FAM184A: variants seen among roughly 807,000 people sequenced by gnomAD.
FAM184A encodes the protein protein FAM184A.
A neutral mutation model predicts 143.8 loss-of-function variants in FAM184A; 99 were observed. The observed-to-expected ratio is 0.69, with a 90% confidence interval of 0.58 to 0.81. The LOEUF is 0.81. Among genes scored for constraint, FAM184A ranks in the 40% least tolerant of loss-of-function variants. The probability of loss-of-function intolerance (pLI) is 0.00; values close to 1 mark genes in which losing one functional copy is unlikely to be tolerated. For missense variants in FAM184A, 1,217 were observed against 1,310.5 expected, an observed-to-expected ratio of 0.93 and a Z score of 1.10; for synonymous variants, 427 against 446.4, an observed-to-expected ratio of 0.96 and a Z score of 0.55.
At chr6:119,048,998 C>T (rs779143905) in intron 1 of FAM184A, among the ~76,000 whole-genome samples, 22 of 152,218 alleles carry the variant, frequency 1.4e-4, no homozygotes, top group Non-Finnish European at 1.6e-4. Context: ...CACAGAACTA[C>T]AAAAAACTAT....
At position 119,053,240 on chromosome 6, in the gene FAM184A, C is replaced by T. The variant is rs560119822; in HGVS notation, c.159+24901G>A. 8.5e-5 allele frequency among the ~76,000 whole-genome samples: 13 copies of T among 152,294 alleles called. No homozygotes were observed. The South Asian group carries it at 1.9e-3, about 22-fold the overall frequency. Reference sequence around the variant, plus strand: ...TGTTGAGTCTGTTAATGAGGTCATGCACCTCTACAAACTTCATTCTATCTT... The same window carrying T: ...TGTTGAGTCTGTTAATGAGGTCATGTACCTCTACAAACTTCATTCTATCTT... On this transcript the variant is annotated intron_variant, in intron 1 of 17. Coordinates refer to ENST00000338891, the MANE Select transcript of FAM184A (RefSeq NM_024581.6).
chr6:119,019,919 T>C, intron 4 of FAM184A, 59 bp downstream of exon 4: 3 of 1,390,060 alleles, frequency 2.2e-6, no homozygotes, highest in East Asian at 4.9e-5. Flanking sequence ...ATACTTCAAA[T>C]GTGAAAAAGA....
At position 119,037,628 on chromosome 6, in the gene FAM184A, A is replaced by T. The variant is rs77841602; in HGVS notation, c.160-12815T>A. The stretch of plus-strand genomic sequence containing the variant: ...CATCCAATAACAAATAAAAAAGAAA[A>T]ATTAATAATAAAATAACAGTCACAT... On this transcript the variant is annotated intron_variant, in intron 1 of 17. Coordinates refer to ENST00000338891, the MANE Select transcript of FAM184A (RefSeq NM_024581.6). Among the ~76,000 whole-genome samples, 946 of 152,364 alleles carry T rather than the reference A, an allele frequency of 6.2e-3. 7 individuals are homozygous for T. Among genetic ancestry groups the T allele is most frequent in the African/African-American group, 0.021 (881 of 41,578 alleles).
chr6:119,002,823 C>A, intron 9 of FAM184A, 76 bp downstream of exon 9: 1 of 1,298,756 alleles, frequency 7.7e-7, no homozygotes, highest in Admixed American at 2.6e-5. Context: ...AGTGAATTAA[C>A]AGAGTTTTAC....
At chr6:119,071,808 T>A (rs1787693020) in intron 1 of FAM184A, among the ~76,000 whole-genome samples, 1 of 151,766 alleles carries the variant, frequency 6.6e-6, no homozygotes, top group Admixed American at 6.6e-5. Flanking sequence ...CCTTCTATAC[T>A]TATAAAATGA....
chr6:119,137,314 G>C (rs913192708), intron 1 of FAM184A, among the ~76,000 whole-genome samples: 4 of 125,804 alleles, frequency 3.2e-5, no homozygotes, highest in African/African-American at 1.0e-4. Flanking sequence ...GCCAGATAGA[G>C]AGAGACAGAG....
intron 3 of FAM184A, among the ~76,000 whole-genome samples, chr6:119,021,008 C>G (rs1421219482): frequency 6.6e-6 from 1 of 152,098 alleles, no homozygotes; most frequent in African/African-American, 2.4e-5. Context: ...AAAAAGGTCT[C>G]ATAGAAAGGA....
At chr6:119,023,822 T>TAAAAAA (rs11353751) in intron 2 of FAM184A, 137 bp downstream of exon 2, 3 of 415,944 alleles carry the variant, frequency 7.2e-6, no homozygotes, top group South Asian at 7.5e-5. Context: ...CAGGAAAAGT[T>TAAAAAA]AAAAAAAAAA....
At chr6:119,032,914 T>G (rs1346906746) in intron 1 of FAM184A, among the ~76,000 whole-genome samples, 4 of 152,168 alleles carry the variant, frequency 2.6e-5, no homozygotes, top group African/African-American at 7.2e-5. Flanking sequence ...TTAAAGAATA[T>G]TGAAAACTCT....
chr6:119,146,397 CGTGTGTGTGTGTGTGTGT>C (rs60937351), intron 1 of FAM184A, among the ~76,000 whole-genome samples: 27 of 136,390 alleles, frequency 2.0e-4, no homozygotes, highest in Admixed American at 1.6e-3. Flanking sequence ...GATTAACTTA[CGTGTGTGTGTGTGTGTGT>C]GTGTGTGTGT....
chr6:119,135,253 G>A (rs1057378706), intron 1 of FAM184A, among the ~76,000 whole-genome samples: 17 of 151,438 alleles, frequency 1.1e-4, no homozygotes, highest in African/African-American at 1.7e-4. Context: ...TTTTTTTAGC[G>A]AGCCATATAT....
At chr6:118,974,375 G>A (rs2114565406) in intron 14 of FAM184A, 53 bp downstream of exon 14, 1 of 1,509,464 alleles carries the variant, frequency 6.6e-7, no homozygotes, top group African/African-American at 1.4e-5. Context: ...GTTAAACACA[G>A]TGCTCCTAAA....
chr6:118,984,693 T>C (rs1287143711), intron 9 of FAM184A, among the ~76,000 whole-genome samples: 1 of 152,240 alleles, frequency 6.6e-6, no homozygotes, highest in Non-Finnish European at 1.5e-5. Context: ...TTGAGCCTTG[T>C]TACAAAAGTG....
At chr6:119,023,453 G>A (rs1267900621) in intron 2 of FAM184A, among the ~76,000 whole-genome samples, 1 of 151,486 alleles carries the variant, frequency 6.6e-6, no homozygotes, top group East Asian at 1.9e-4. Context: ...CTAAATATCA[G>A]CTAGCAGGCA....
At chr6:119,102,784 C>CAAAAAAAAAAAAA (rs58686018) in intron 1 of FAM184A, among the ~76,000 whole-genome samples, 12 of 30,106 alleles carry the variant, frequency 4.0e-4, no homozygotes, top group East Asian at 1.5e-3. Flanking sequence ...GACTCCATCT[C>CAAAAAAAAAAAAA]AAAAAAAAAA....
At chr6:118,982,981 C>T (rs560536010) in intron 9 of FAM184A, among the ~76,000 whole-genome samples, 21 of 152,274 alleles carry the variant, frequency 1.4e-4, no homozygotes, top group Non-Finnish European at 2.2e-4. Context: ...TTTGTATCTA[C>T]ACTCAAGAAA....
intron 3 of FAM184A, among the ~76,000 whole-genome samples, chr6:119,022,579 C>T (rs1785485416): frequency 6.6e-6 from 1 of 152,036 alleles, no homozygotes; most frequent in Admixed American, 6.6e-5. Context: ...CTTAAATTAA[C>T]ATTTAAGTGT....
chr6:119,122,427 T>C (rs1789241370), intron 1 of FAM184A, among the ~76,000 whole-genome samples: 1 of 152,170 alleles, frequency 6.6e-6, no homozygotes, highest in South Asian at 2.1e-4. Flanking sequence ...AAGGTGGCCT[T>C]TCTGACAGTC....
chr6:119,013,412 A>T (rs1785146127), intron 5 of FAM184A, among the ~76,000 whole-genome samples: 2 of 152,254 alleles, frequency 1.3e-5, no homozygotes, highest in Non-Finnish European at 2.9e-5. Flanking sequence ...AATAAGAAAG[A>T]AAGTGGCTAC....
Sources: allele counts gnomAD v4.1 joint callset (sites outside exome capture counted in the v4.1 genomes callset), GRCh38; gene constraint gnomAD v4.1.1; transcripts MANE v1.5; gene names NCBI Gene and HGNC (gene_info 2026-07-23, HGNC 2026-07-21).